The following CCDC171 variants were observed in gnomAD, a reference collection of about 807,000 sequenced individuals.
The protein encoded by CCDC171 is coiled-coil domain-containing protein 171.
CCDC171 carries 177 observed loss-of-function variants against 168.2 expected under a neutral mutation model. That is an observed-to-expected ratio of 1.05 (90% CI 0.93 to 1.19). The LOEUF is 1.19. Ranked by LOEUF, CCDC171 falls within the 50% of genes most tolerant of loss-of-function variation. The probability of loss-of-function intolerance (pLI) is 0.00; values close to 1 mark genes in which losing one functional copy is unlikely to be tolerated. For missense variants in CCDC171, 1,991 were observed against 1,539.0 expected, an observed-to-expected ratio of 1.29 and a Z score of -4.91; for synonymous variants, 687 against 540.8, an observed-to-expected ratio of 1.27 and a Z score of -3.75.
At chr9:16,100,654 A>C in the CCDC171 span, among the ~76,000 whole-genome samples, 48 of 152,340 alleles carry the variant, frequency 3.2e-4, no homozygotes, top group East Asian at 8.9e-3. Context: ...CTGGCCTGGT[A>C]AAATGTAACA....
At chr9:15,692,803 A>C (rs995520795) in intron 10 of CCDC171, among the ~76,000 whole-genome samples, 24 of 150,578 alleles carry the variant, frequency 1.6e-4, no homozygotes, top group Non-Finnish European at 2.7e-4. Flanking sequence ...CTGGGATTAC[A>C]GGCGTGAGCC....
At chr9:15,606,426 A>G (rs1040430485) in intron 6 of CCDC171, among the ~76,000 whole-genome samples, 2 of 152,224 alleles carry the variant, frequency 1.3e-5, no homozygotes, top group African/African-American at 4.8e-5. Flanking sequence ...TGTTATACAA[A>G]GCACCAGTTT....
rs908405586 is a variant in CCDC171, at chr9:15,952,147, C to T, written c.3754-19462C>T. On this transcript the variant is annotated intron_variant, in intron 25 of 25. Transcript: ENST00000380701. Reference sequence around the variant, plus strand: ...TTTGTTGAAAAGACGTATTTTTTCCCCATTAAATGGTGTTGACATCCTTGT... The same window carrying T: ...TTTGTTGAAAAGACGTATTTTTTCCTCATTAAATGGTGTTGACATCCTTGT... 3.3e-5 allele frequency among the ~76,000 whole-genome samples: 5 copies of T among 152,136 alleles called. No homozygotes were observed. The South Asian group carries it at 6.2e-4, about 19-fold the overall frequency.
chr9:15,708,103 C>T (rs1021589750), intron 11 of CCDC171, among the ~76,000 whole-genome samples: 4 of 152,342 alleles, frequency 2.6e-5, no homozygotes, highest in African/African-American at 2.4e-5. Flanking sequence ...CCGTCTTGGC[C>T]TCCCAAAGTG....
chr9:16,029,135 G>A (rs1169399247), intron 6 of CCDC171, among the ~76,000 whole-genome samples: 1 of 152,144 alleles, frequency 6.6e-6, no homozygotes, highest in Non-Finnish European at 1.5e-5. Context: ...GAAGTAGTGA[G>A]GGCTGTAAGG....
At chr9:15,970,664 A>G (rs1260538931) in intron 25 of CCDC171, among the ~76,000 whole-genome samples, 1 of 152,204 alleles carries the variant, frequency 6.6e-6, no homozygotes, top group Non-Finnish European at 1.5e-5. Flanking sequence ...TCTACTGTCC[A>G]GTATTCCATG....
At chr9:15,917,734 G>A (rs1192822559) in intron 24 of CCDC171, among the ~76,000 whole-genome samples, 1 of 151,594 alleles carries the variant, frequency 6.6e-6, no homozygotes, top group Non-Finnish European at 1.5e-5. Flanking sequence ...CTTTTAAAAT[G>A]TGGAACTTTT....
intron 25 of CCDC171, among the ~76,000 whole-genome samples, chr9:15,963,875 C>T (rs1430556553): frequency 1.3e-5 from 2 of 152,192 alleles, no homozygotes; most frequent in South Asian, 4.1e-4. Context: ...CTCAGACCCT[C>T]TCTAAGCTAA....
chr9:15,884,672 G>A (rs909266360), intron 24 of CCDC171, among the ~76,000 whole-genome samples: 15 of 152,090 alleles, frequency 9.9e-5, no homozygotes, highest in Non-Finnish European at 2.2e-4. Flanking sequence ...TAACCACCTC[G>A]GTAAGTCACT....
At chr9:15,947,326 C>T (rs1013821833) in intron 25 of CCDC171, among the ~76,000 whole-genome samples, 3 of 151,946 alleles carry the variant, frequency 2.0e-5, no homozygotes, top group Admixed American at 6.6e-5. Flanking sequence ...AAATACCCTA[C>T]TTGTATACCC....
At chr9:15,638,243 G>C (rs2046347328) in intron 7 of CCDC171, among the ~76,000 whole-genome samples, 1 of 152,004 alleles carries the variant, frequency 6.6e-6, no homozygotes, top group Admixed American at 6.6e-5. Context: ...CTCATATTTA[G>C]ATTCTTTTTA....
chr9:15,583,419 A>G (rs1019126746), intron 4 of CCDC171, among the ~76,000 whole-genome samples: 1 of 151,874 alleles, frequency 6.6e-6, no homozygotes, highest in Non-Finnish European at 1.5e-5. Flanking sequence ...AAAAAAAAAA[A>G]AAAAAAGAAA....
intron 6 of CCDC171, chr9:16,035,328 T>G (rs1244957876): frequency 6.6e-6 from 1 of 152,208 alleles, no homozygotes; most frequent in African/African-American, 2.4e-5. Flanking sequence ...TGGATCCCTT[T>G]AAAAAAATTT....
chr9:15,675,983 A>C (rs2049526104), intron 9 of CCDC171, among the ~76,000 whole-genome samples: 1 of 152,062 alleles, frequency 6.6e-6, no homozygotes, highest in Admixed American at 6.6e-5. Flanking sequence ...ACTTGGTTCC[A>C]TTCTCCCCGT....
At chr9:15,575,341 T>G (rs890689332) in intron 3 of CCDC171, among the ~76,000 whole-genome samples, 1 of 151,902 alleles carries the variant, frequency 6.6e-6, no homozygotes, top group Admixed American at 6.6e-5. Flanking sequence ...GCTTGGCTAA[T>G]TTTTTGTATT....
intron 21 of CCDC171, among the ~76,000 whole-genome samples, chr9:15,828,287 A>G (rs2060096126): frequency 6.6e-6 from 1 of 151,726 alleles, no homozygotes; most frequent in Admixed American, 6.6e-5. Flanking sequence ...AAACAAATGT[A>G]GGAAAGATCT....
intron 6 of CCDC171, among the ~76,000 whole-genome samples, chr9:15,602,632 C>CT (rs1050799184): frequency 2.5e-3 from 78 of 30,994 alleles, no homozygotes; most frequent in South Asian, 3.9e-3. Flanking sequence ...TTTCTCATTT[C>CT]TTTTTTTTTT....
the CCDC171 span, among the ~76,000 whole-genome samples, chr9:16,067,845 G>A: frequency 3.0e-4 from 46 of 152,146 alleles, 1 homozygote; most frequent in South Asian, 6.7e-3. Flanking sequence ...TACCAGTGCC[G>A]TGCTGTTTTG....
At chr9:15,700,725 G>A (rs12352779) in intron 11 of CCDC171, among the ~76,000 whole-genome samples, 68,852 of 151,786 alleles carry the variant, frequency 0.45, 15,956 homozygotes, top group Non-Finnish European at 0.51. Context: ...GTCTCAAGCA[G>A]TCCTCCCACT....
Sources: allele counts gnomAD v4.1 joint callset (sites outside exome capture counted in the v4.1 genomes callset), GRCh38; gene constraint gnomAD v4.1.1; transcripts MANE v1.5; gene names NCBI Gene and HGNC (gene_info 2026-07-23, HGNC 2026-07-21).